CABIN1: variants seen among roughly 807,000 people sequenced by gnomAD.
The protein encoded by CABIN1 is calcineurin-binding protein cabin-1.
A neutral mutation model predicts 227.7 loss-of-function variants in CABIN1; 133 were observed. That is an observed-to-expected ratio of 0.58 (90% CI 0.51 to 0.67). CABIN1 has a LOEUF of 0.67. CABIN1 is among the 30% of genes least tolerant of loss of function. The pLI is 0.00. For missense variants in CABIN1, 2,408 were observed against 2,852.5 expected (o/e 0.84, Z 3.55); for synonymous variants, 1,086 against 1,155.1 (o/e 0.94, Z 1.21).
At chr22:24,124,893 A>G (rs866313694) in intron 28 of CABIN1, among the ~76,000 whole-genome samples, 2 of 152,180 alleles carry the variant, frequency 1.3e-5, no homozygotes, top group African/African-American at 2.4e-5. Context: ...CCTGGAGCCA[A>G]TAATCTTGAA....
In CABIN1 at chr22:24,119,600, T is replaced by C. The variant is rs1404886251; in HGVS notation, c.4534T>C (p.Cys1512Arg). Residue 1512 changes from cysteine to arginine, a missense_variant, in exon 28 of 37, where the codon TGC (cysteine) becomes CGC (arginine). Physicochemically the swap from Cys to Arg is radical, Grantham distance 180 (BLOSUM62 -3). Coordinates refer to ENST00000263119, the MANE Select transcript of CABIN1 (RefSeq NM_012295.4). ...GCAGCGGCAGTTTCTCACAGAGCAG[T>C]GCATCGCCTCCTTCCGCCTGTGCCT... ...EEQRQFLTEQ[C>R]IASFRLCLSR... The C allele has an allele frequency of 6.2e-7, 1 of 1,613,618 alleles. No individual in the cohort carries two copies. The highest frequency in any genetic ancestry group is 8.5e-7 in the Non-Finnish European group (1 of 1,179,934).
chr22:24,139,348 G>A (rs1303486019), intron 29 of CABIN1, among the ~76,000 whole-genome samples: 1 of 152,162 alleles, frequency 6.6e-6, no homozygotes, highest in Non-Finnish European at 1.5e-5. Flanking sequence ...GCAGAGGTGG[G>A]TGGACCACCT....
chr22:24,044,374 A>G (rs879379909), intron 6 of CABIN1, among the ~76,000 whole-genome samples: 1 of 152,084 alleles, frequency 6.6e-6, no homozygotes, highest in Non-Finnish European at 1.5e-5. Context: ...TTCTGCCAGT[A>G]TAATCCCACC....
At chr22:24,032,381 A>G (rs1378007756) in intron 1 of CABIN1, among the ~76,000 whole-genome samples, 1 of 152,174 alleles carries the variant, frequency 6.6e-6, no homozygotes, top group Non-Finnish European at 1.5e-5. Context: ...TTGTTCATTC[A>G]TCTGTTGTTG....
chr22:24,118,281 G>C (rs1054642346), intron 27 of CABIN1, among the ~76,000 whole-genome samples: 1 of 152,120 alleles, frequency 6.6e-6, no homozygotes, highest in East Asian at 1.9e-4. Context: ...ACTAATAGCA[G>C]GTGGCTGAGG....
In CABIN1 at chr22:24,045,980, C is replaced by G. The variant is rs538255205; in HGVS notation, c.526+2896C>G. On this transcript the variant is annotated intron_variant, in intron 6 of 36. Coordinates refer to ENST00000263119, the MANE Select transcript of CABIN1 (RefSeq NM_012295.4). The stretch of plus-strand genomic sequence containing the variant: ...GTATATGTGAAAACATGTCAAGATA[C>G]AGAACATGTGCAGCGCCCCAGAAGG... Among the ~76,000 whole-genome samples the G allele has an allele frequency of 5.9e-5, 9 of 152,316 alleles. No individual in the cohort carries two copies. The East Asian group carries it at 1.7e-3, about 29-fold the overall frequency.
intron 28 of CABIN1, among the ~76,000 whole-genome samples, chr22:24,125,053 G>A (rs546159829): frequency 9.0e-4 from 137 of 152,340 alleles, no homozygotes; most frequent in African/African-American, 3.2e-3. Flanking sequence ...AGGACATAAT[G>A]CTAAGTGAAA....
intron 6 of CABIN1, among the ~76,000 whole-genome samples, chr22:24,046,057 A>T (rs1182036547): frequency 6.6e-6 from 1 of 152,036 alleles, no homozygotes. Flanking sequence ...GGCAACCTTG[A>T]TTTCTCCTTT....
intron 16 of CABIN1, among the ~76,000 whole-genome samples, chr22:24,068,694 A>AT (rs1321991193): frequency 6.6e-6 from 1 of 152,184 alleles, no homozygotes; most frequent in African/African-American, 2.4e-5. Context: ...TTCTCAACAA[A>AT]TCTTGCAAAT....
rs565317773 is a variant in CABIN1, at chr22:24,084,357, A to G, written c.2911-222A>G. ...AGGTTCAAGAGATTCTCCTGCCGCA[A>G]CCTCCTGAGTAGCTGGGATTACAGG... On this transcript the variant is annotated intron_variant, in intron 20 of 36. Coordinates refer to ENST00000263119, the MANE Select transcript of CABIN1 (RefSeq NM_012295.4). 1.4e-4 allele frequency among the ~76,000 whole-genome samples: 21 copies of G among 149,414 alleles called. No individual in the cohort carries two copies. The East Asian group carries it at 2.1e-3, about 15-fold the overall frequency.
chr22:24,075,174 G>A (rs2040351783), intron 18 of CABIN1, among the ~76,000 whole-genome samples: 1 of 152,046 alleles, frequency 6.6e-6, no homozygotes, highest in Non-Finnish European at 1.5e-5. Flanking sequence ...TTGTACTCCA[G>A]CCTGGGCAAA....
chr22:24,019,985 T>A (rs1398808185), intron 1 of CABIN1, among the ~76,000 whole-genome samples: 1 of 152,146 alleles, frequency 6.6e-6, no homozygotes, highest in Non-Finnish European at 1.5e-5. Flanking sequence ...TCTAATTGAT[T>A]TATCTCTTCT....
chr22:24,090,802 C>G (rs2041496564), intron 23 of CABIN1, among the ~76,000 whole-genome samples: 1 of 152,090 alleles, frequency 6.6e-6, no homozygotes, highest in African/African-American at 2.4e-5. Context: ...TGCTATCAAT[C>G]CAGGACCACA....
intron 1 of CABIN1, among the ~76,000 whole-genome samples, chr22:24,017,635 C>T (rs1470060806): frequency 1.3e-5 from 2 of 152,182 alleles, no homozygotes; most frequent in Admixed American, 6.5e-5. Flanking sequence ...CAAGGTTCAT[C>T]CACGTTGTAG....
At chr22:24,170,619 C>T (rs759927417) in intron 33 of CABIN1, among the ~76,000 whole-genome samples, 1 of 152,172 alleles carries the variant, frequency 6.6e-6, no homozygotes, top group Non-Finnish European at 1.5e-5. Flanking sequence ...GAGCACCGGC[C>T]TGGGGCACAT....
chr22:24,042,054 C>T (rs1044188130), intron 5 of CABIN1, among the ~76,000 whole-genome samples: 2 of 152,198 alleles, frequency 1.3e-5, no homozygotes, highest in Non-Finnish European at 2.9e-5. Context: ...CAGGCTCAAA[C>T]GATCCTCCGA....
chr22:24,058,860 T>C (rs572228072), intron 10 of CABIN1, among the ~76,000 whole-genome samples: 9 of 152,324 alleles, frequency 5.9e-5, no homozygotes, highest in Admixed American at 3.9e-4. Context: ...AGGTGGTCCT[T>C]ATTTGGGTTA....
chr22:24,056,485 C>T (rs1217415981), intron 10 of CABIN1, 125 bp downstream of exon 10: 7 of 977,490 alleles, frequency 7.2e-6, no homozygotes, highest in Middle Eastern at 2.4e-4. Context: ...CCCATAACAT[C>T]TGTGCAGATG....
chr22:24,016,331 A>G (rs1273984952), intron 1 of CABIN1, among the ~76,000 whole-genome samples: 1 of 152,190 alleles, frequency 6.6e-6, no homozygotes, highest in African/African-American at 2.4e-5. Context: ...CATTATTTTT[A>G]TGGCTGAATA....
Sources: allele counts gnomAD v4.1 joint callset (sites outside exome capture counted in the v4.1 genomes callset), GRCh38; gene constraint gnomAD v4.1.1; transcripts MANE v1.5; gene names NCBI Gene and HGNC (gene_info 2026-07-23, HGNC 2026-07-21).